The following NRP2 variants were observed in gnomAD, a reference collection of about 807,000 sequenced individuals.
NRP2 encodes neuropilin-2.
Under a neutral mutation model 110.4 loss-of-function variants are expected in NRP2, and 52 were observed. The ratio of observed to expected loss-of-function variants is 0.47; its 90% CI spans 0.38 to 0.59. NRP2 has a LOEUF of 0.59. Ranked by LOEUF, NRP2 falls within the 20% of genes least tolerant of loss-of-function variation. The pLI, the probability that NRP2 is intolerant of heterozygous loss-of-function variation, is 0.00. For missense variants in NRP2, 1,049 were observed against 1,203.0 expected (o/e 0.87, Z 1.89); for synonymous variants, 508 against 468.9 (o/e 1.08, Z -1.08).
chr2:205,717,078 T>C (rs1456017973), intron 3 of NRP2, among the ~76,000 whole-genome samples: 5 of 152,224 alleles, frequency 3.3e-5, no homozygotes, highest in Admixed American at 1.3e-4. Context: ...CCAGTGCTCA[T>C]TTCCAAAACT....
intron 1 of NRP2, among the ~76,000 whole-genome samples, chr2:205,687,390 G>C (rs936960512): frequency 2.6e-5 from 4 of 152,086 alleles, no homozygotes; most frequent in Middle Eastern, 3.4e-3. Context: ...CCTGCTCTGG[G>C]CTCTAGGGAT....
intron 15 of NRP2, among the ~76,000 whole-genome samples, chr2:205,775,885 A>G (rs903214973): frequency 1.3e-5 from 2 of 152,204 alleles, no homozygotes; most frequent in Non-Finnish European, 2.9e-5. Flanking sequence ...ACTTCCATAT[A>G]TTATAAAGTG....
At chr2:205,694,117 A>C (rs977226077) in intron 1 of NRP2, among the ~76,000 whole-genome samples, 4 of 152,224 alleles carry the variant, frequency 2.6e-5, no homozygotes, top group African/African-American at 9.6e-5. Flanking sequence ...TTGCCTTTTC[A>C]GGGCTATGTT....
At chr2:205,787,354 C>A (rs1457562216) in intron 15 of NRP2, among the ~76,000 whole-genome samples, 1 of 152,168 alleles carries the variant, frequency 6.6e-6, no homozygotes, top group East Asian at 1.9e-4. Context: ...TTCAAGCAGA[C>A]CTCTTAATCC....
At chr2:205,740,301 T>C (rs2057417335) in intron 7 of NRP2, among the ~76,000 whole-genome samples, 1 of 152,216 alleles carries the variant, frequency 6.6e-6, no homozygotes, top group Non-Finnish European at 1.5e-5. Flanking sequence ...TAAAAGTTTC[T>C]GGGAAGACCA....
rs1333767178 is a variant in NRP2, at chr2:205,796,215, T to C, written c.*1157T>C. ...GTAGACAGAGACCCTTTGAAATGCA[T>C]TTGTCTCTCAAATAGACTAGTAAAC... On this transcript the variant is annotated 3_prime_UTR_variant, in exon 17 of 17. Coordinates refer to ENST00000357785, the MANE Select transcript of NRP2 (RefSeq NM_003872.3). 2 of 152,166 alleles carry C rather than the reference T, an allele frequency of 1.3e-5. No homozygotes were observed. The highest frequency in any genetic ancestry group is 4.8e-5 in the African/African-American group (2 of 41,444). 9.4% of individuals were successfully genotyped at this position (152,166 alleles called of 1,614,324 possible).
intron 7 of NRP2, among the ~76,000 whole-genome samples, chr2:205,733,987 G>C (rs1043742725): frequency 1.6e-4 from 24 of 152,100 alleles, no homozygotes; most frequent in African/African-American, 5.5e-4. Context: ...CCGCCCCCCA[G>C]AACGCAGCCG....
intron 6 of NRP2, 49 bp from the exon 7 acceptor site, chr2:205,727,842 G>A: frequency 1.3e-6 from 2 of 1,571,818 alleles, no homozygotes; most frequent in Non-Finnish European, 1.7e-6. Flanking sequence ...ACAAGACACT[G>A]CCCTGTGTTG....
intron 2 of NRP2, among the ~76,000 whole-genome samples, chr2:205,715,289 C>T (rs1053288461): frequency 2.6e-5 from 4 of 152,096 alleles, no homozygotes; most frequent in East Asian, 3.9e-4. Context: ...TTCCCATGAA[C>T]GGAGCCAAGG....
At chr2:205,695,022 T>G (rs919203111) in intron 1 of NRP2, among the ~76,000 whole-genome samples, 1 of 152,248 alleles carries the variant, frequency 6.6e-6, no homozygotes, top group Non-Finnish European at 1.5e-5. Context: ...TATATGTACT[T>G]GAAGTATGTT....
intron 15 of NRP2, chr2:205,777,387 ATCTGTC>A (rs1341677125): frequency 1.3e-5 from 2 of 152,484 alleles, no homozygotes; most frequent in Non-Finnish European, 2.9e-5. Flanking sequence ...CCTAAAGCAA[ATCTGTC>A]TCATGTTGCC....
At chr2:205,792,738 G>A (rs564596843) in intron 16 of NRP2, among the ~76,000 whole-genome samples, 1 of 152,194 alleles carries the variant, frequency 6.6e-6, no homozygotes, top group South Asian at 2.1e-4. Flanking sequence ...ATTCCAATTT[G>A]GAGCTTCTTG....
intron 7 of NRP2, among the ~76,000 whole-genome samples, chr2:205,736,106 T>C (rs937532386): frequency 3.3e-5 from 5 of 151,848 alleles, no homozygotes; most frequent in South Asian, 4.2e-4. Flanking sequence ...CTTTGAGAGG[T>C]CAAGGCAGGT....
chr2:205,705,433 G>A (rs2105761450), intron 2 of NRP2, among the ~76,000 whole-genome samples: 1 of 152,302 alleles, frequency 6.6e-6, no homozygotes, highest in Admixed American at 6.5e-5. Context: ...ATGTGAGTTG[G>A]GCTTAGGTTT....
At position 205,686,119 on chromosome 2, in the gene NRP2, T is replaced by G. The variant is rs2056154390; in HGVS notation, c.73+2756T>G. Among the ~76,000 whole-genome samples, 1 of 151,158 alleles carries G rather than the reference T, an allele frequency of 6.6e-6. No homozygotes were observed. Among genetic ancestry groups the G allele is most frequent in the Non-Finnish European group, 1.5e-5 (1 of 67,890 alleles). The stretch of plus-strand genomic sequence containing the variant: ...ACGCAGCAGAAACAGAGCCCAGCGA[T>G]CCATAAACATTCTATTAAGCAAAAA... On this transcript the variant is annotated intron_variant, in intron 1 of 16. Coordinates refer to ENST00000357785, the MANE Select transcript of NRP2 (RefSeq NM_003872.3). The surrounding 1 kb of genome is among the most constrained non-coding windows in gnomAD (Gnocchi z 4.7).
rs192272811 is a variant in NRP2, at chr2:205,717,313, G to A, written c.433+939G>A. Among the ~76,000 whole-genome samples, 18 of 152,224 alleles carry A rather than the reference G, an allele frequency of 1.2e-4. 1 individual carries two copies. In the East Asian group the frequency reaches 1.9e-3, roughly 16 times the overall value. ...CCCAGCAGCCCAAGTTTTACAACTC[G>A]TGGATGGAGTCTGGTTCGAGGGGAG... On this transcript the variant is annotated intron_variant, in intron 3 of 16. Transcript: ENST00000357785.
Position 205,697,189 on chromosome 2 carries a change from G to T in NRP2, c.74-355G>T, listed in dbSNP as rs569171094. Among the ~76,000 whole-genome samples the T allele has an allele frequency of 2.0e-5, 3 of 152,212 alleles. No individual in the cohort carries two copies. In the East Asian group the frequency reaches 5.8e-4, roughly 29 times the overall value. ...ATAGGAGGTTGAATGAGGAGAGGAAGATGGGCCAAGGAGGGGAGGCAGGAA... is the reference window on the plus strand; with the variant it reads ...ATAGGAGGTTGAATGAGGAGAGGAATATGGGCCAAGGAGGGGAGGCAGGAA... On this transcript the variant is annotated intron_variant, in intron 1 of 16. Transcript: ENST00000357785.
At chr2:205,765,188 G>A (rs371678926) in intron 13 of NRP2, among the ~76,000 whole-genome samples, 36 of 152,252 alleles carry the variant, frequency 2.4e-4, no homozygotes, top group South Asian at 8.3e-4. Context: ...TCTGATTATG[G>A]CCCTTTTAAT....
At chr2:205,733,997 G>A (rs1264726873) in intron 7 of NRP2, among the ~76,000 whole-genome samples, 1 of 151,968 alleles carries the variant, frequency 6.6e-6, no homozygotes, top group African/African-American at 2.4e-5. Flanking sequence ...GAACGCAGCC[G>A]CCCCTGTGCC....
Sources: gnomAD v4.1 joint callset for allele counts (sites outside exome capture counted in the v4.1 genomes callset) on GRCh38, gnomAD v4.1.1 for gene constraint, Gnocchi (gnomAD v3.1) non-coding constraint, MANE v1.5 for transcripts, NCBI Gene and HGNC (gene_info 2026-07-23, HGNC 2026-07-21) for gene names.